Variants in GALNT1 observed in about 807,000 individuals in gnomAD.
GALNT1 encodes GalNAc transferase 1.
GALNT1 carries 17 observed loss-of-function variants against 65.7 expected under a neutral mutation model. The observed-to-expected ratio is 0.26, with a 90% CI of 0.18 to 0.39. The LOEUF is 0.39. GALNT1 is among the 10% of genes least tolerant of loss of function. The pLI, the probability that GALNT1 is intolerant of heterozygous loss-of-function variation, is 1.00. For synonymous variants in GALNT1, 210 were observed against 219.7 expected, an observed-to-expected ratio of 0.96 and a Z score of 0.39; for missense variants, 460 against 672.8, an observed-to-expected ratio of 0.68 and a Z score of 3.50.
intron 1 of GALNT1, among the ~76,000 whole-genome samples, chr18:35,618,455 CA>C (rs918456917): frequency 6.6e-6 from 1 of 151,868 alleles, no homozygotes; most frequent in Admixed American, 6.6e-5. Flanking sequence ...ATGACATCTG[CA>C]AAAAATTTAT....
At chr18:35,631,323 C>A (rs1444716612) in intron 1 of GALNT1, among the ~76,000 whole-genome samples, 1 of 152,106 alleles carries the variant, frequency 6.6e-6, no homozygotes, top group South Asian at 2.1e-4. Context: ...TACTGGCAAA[C>A]CGAATCCAGC....
chr18:35,682,457 A>C (rs1261929197), intron 4 of GALNT1, among the ~76,000 whole-genome samples: 1 of 152,142 alleles, frequency 6.6e-6, no homozygotes, highest in African/African-American at 2.4e-5. Flanking sequence ...TCTTCCCTAG[A>C]GAGATTATCC....
intron 1 of GALNT1, among the ~76,000 whole-genome samples, chr18:35,650,420 C>G (rs1227179407): frequency 2.0e-5 from 3 of 152,144 alleles, no homozygotes. Context: ...GTTTTGGGCA[C>G]ACATTGTCAT....
chr18:35,630,682 G>A (rs28836610), intron 1 of GALNT1, among the ~76,000 whole-genome samples: 4,288 of 151,952 alleles, frequency 0.028, 209 homozygotes, highest in African/African-American at 0.097. Flanking sequence ...AAGCTAGCAG[G>A]AGGCAAGAAA....
chr18:35,667,085 T>C (rs990002162), intron 3 of GALNT1, among the ~76,000 whole-genome samples: 1 of 152,230 alleles, frequency 6.6e-6, no homozygotes, highest in Non-Finnish European at 1.5e-5. Context: ...CGAATTCTTA[T>C]ACCCTCTGAG....
At chr18:35,584,780 A>G (rs767756917) in intron 1 of GALNT1, among the ~76,000 whole-genome samples, 3 of 152,280 alleles carry the variant, frequency 2.0e-5, no homozygotes, top group Middle Eastern at 3.4e-3. Flanking sequence ...TGTTTGCCCT[A>G]TGAGAATTTA....
chr18:35,673,271 C>G (rs551589992), intron 3 of GALNT1, among the ~76,000 whole-genome samples: 6 of 152,290 alleles, frequency 3.9e-5, no homozygotes, highest in Non-Finnish European at 8.8e-5. Context: ...GCATAGTCAC[C>G]TTGATGTGGA....
intron 3 of GALNT1, among the ~76,000 whole-genome samples, chr18:35,672,276 A>T (rs1426211464): frequency 6.6e-6 from 1 of 152,242 alleles, no homozygotes; most frequent in Non-Finnish European, 1.5e-5. Context: ...AGCTGACTCC[A>T]AAGGGACTTT....
intron 1 of GALNT1, among the ~76,000 whole-genome samples, chr18:35,608,164 T>C (rs11660642): frequency 6.6e-6 from 1 of 152,124 alleles, no homozygotes; most frequent in African/African-American, 2.4e-5. Context: ...TGTTTTTCAA[T>C]GAAGTTGTCT....
chr18:35,603,137 G>A (rs1176838471), intron 1 of GALNT1, among the ~76,000 whole-genome samples: 1 of 152,146 alleles, frequency 6.6e-6, no homozygotes, highest in South Asian at 2.1e-4. Context: ...AGATGGAGGT[G>A]GGAGAGTGGG....
At chr18:35,649,196 A>G (rs1425925943) in intron 1 of GALNT1, among the ~76,000 whole-genome samples, 1 of 152,186 alleles carries the variant, frequency 6.6e-6, no homozygotes, top group Non-Finnish European at 1.5e-5. Flanking sequence ...TTAGAGTTCC[A>G]GTTGCTCCAA....
chr18:35,612,586 G>A (rs1196110613), intron 1 of GALNT1, among the ~76,000 whole-genome samples: 1 of 152,098 alleles, frequency 6.6e-6, no homozygotes, highest in Non-Finnish European at 1.5e-5. Flanking sequence ...ACCTTTCTAG[G>A]CCGGGCGTGG....
Position 35,581,766 on chromosome 18 carries a change from G to T in GALNT1, c.-200G>T, listed in dbSNP as rs2046319389. 7.7e-6 allele frequency: 1 copy of T among 130,274 alleles called. No homozygotes were observed. The highest frequency in any genetic ancestry group is 2.8e-5 in the African/African-American group (1 of 35,758). The allele number at this position is 130,274 out of a possible 1,614,324, so 8.1% of individuals were successfully genotyped here. On this transcript the variant is annotated 5_prime_UTR_variant, in exon 1 of 12. Transcript: ENST00000269195. ...GTGGCCGAGGAGCGCGCGGCGGACG[G>T]CGGCCCGAGAGTAGCGCGCTGGCCG...
At chr18:35,637,470 C>T (rs1388177988) in intron 1 of GALNT1, among the ~76,000 whole-genome samples, 1 of 152,192 alleles carries the variant, frequency 6.6e-6, no homozygotes, top group Non-Finnish European at 1.5e-5. Flanking sequence ...CCACAACGTT[C>T]CCTTAAGTCC....
chr18:35,610,208 A>G (rs2046700319), intron 1 of GALNT1, among the ~76,000 whole-genome samples: 1 of 152,166 alleles, frequency 6.6e-6, no homozygotes, highest in Non-Finnish European at 1.5e-5. Context: ...AGAGGTGCAG[A>G]GTGGAACCAG....
chr18:35,699,923 T>C (rs553770347), intron 9 of GALNT1, among the ~76,000 whole-genome samples: 4 of 152,316 alleles, frequency 2.6e-5, no homozygotes, highest in Admixed American at 2.6e-4. Flanking sequence ...TAAAGCTATA[T>C]GGAATTACAA....
intron 8 of GALNT1, among the ~76,000 whole-genome samples, chr18:35,691,975 A>G (rs2047971012): frequency 6.6e-6 from 1 of 152,112 alleles, no homozygotes; most frequent in African/African-American, 2.4e-5. Context: ...CATAAATGTC[A>G]TTTTTCTCTG....
Position 35,711,206 on chromosome 18 carries a change from T to A in GALNT1, c.*1436T>A, listed in dbSNP as rs1419724512. The A allele has an allele frequency of 6.6e-6, 1 of 152,472 alleles. No homozygotes were observed. The highest frequency in any genetic ancestry group is 1.9e-4 in the East Asian group (1 of 5,186). The allele number at this position is 152,472 out of a possible 1,614,324, so 9.4% of individuals were successfully genotyped here. On this transcript the variant is annotated 3_prime_UTR_variant, in exon 12 of 12. Transcript: ENST00000269195. Reference sequence around the variant, plus strand: ...CGTAGGAGGAATCTCATTAAGACATTTTTCCTGATATGTAGAGCAGTCTGT... The same window carrying A: ...CGTAGGAGGAATCTCATTAAGACATATTTCCTGATATGTAGAGCAGTCTGT...
chr18:35,609,200 C>T (rs2046686975), intron 1 of GALNT1, among the ~76,000 whole-genome samples: 1 of 152,100 alleles, frequency 6.6e-6, no homozygotes, highest in African/African-American at 2.4e-5. Flanking sequence ...TACTTTTCTT[C>T]TGCCTTTGTC....
Sources: gnomAD v4.1 joint callset for allele counts (sites outside exome capture counted in the v4.1 genomes callset) on GRCh38, gnomAD v4.1.1 for gene constraint, MANE v1.5 for transcripts, NCBI Gene and HGNC (gene_info 2026-07-23, HGNC 2026-07-21) for gene names.